The following SLC20A2 variants were observed in gnomAD, a reference collection of about 807,000 sequenced individuals.
The protein encoded by SLC20A2 is sodium-dependent phosphate transporter 2.
Under a neutral mutation model 61.0 loss-of-function variants are expected in SLC20A2, and 30 were observed. That is an observed-to-expected ratio of 0.49 (90% confidence interval 0.37 to 0.67). The LOEUF is 0.67. SLC20A2 is among the 30% of genes least tolerant of loss of function. The pLI is 0.00. For synonymous variants in SLC20A2, 351 were observed against 353.3 expected, an observed-to-expected ratio of 0.99 and a Z score of 0.07; for missense variants, 626 against 866.4, an observed-to-expected ratio of 0.72 and a Z score of 3.48.
At chr8:42,525,436 G>A (rs1256827890) in intron 1 of SLC20A2, among the ~76,000 whole-genome samples, 2 of 151,902 alleles carry the variant, frequency 1.3e-5, no homozygotes, top group Non-Finnish European at 2.9e-5. Flanking sequence ...ACAAAAATTA[G>A]CTGGGCATGG....
At chr8:42,476,830 G>A (rs932974869) in intron 1 of SLC20A2, among the ~76,000 whole-genome samples, 1 of 152,152 alleles carries the variant, frequency 6.6e-6, no homozygotes, top group Non-Finnish European at 1.5e-5. Context: ...TTTCTCCTGC[G>A]TGGAGAAGGG....
exon 1 of SLC20A2, chr8:42,541,853 C>G (rs1220356364): frequency 6.6e-6 from 1 of 151,676 alleles, no homozygotes; most frequent in African/African-American, 2.4e-5. Context: ...CCCGAAACTC[C>G]GAGCACCCGC....
intron 1 of SLC20A2, among the ~76,000 whole-genome samples, chr8:42,515,039 C>T (rs946682274): frequency 6.6e-6 from 1 of 152,228 alleles, no homozygotes; most frequent in African/African-American, 2.4e-5. Flanking sequence ...GTGTCAGGAA[C>T]CGTACTAAGC....
chr8:42,452,741 G>A (rs1257798754), intron 5 of SLC20A2, among the ~76,000 whole-genome samples: 6 of 151,944 alleles, frequency 3.9e-5, no homozygotes, highest in East Asian at 1.9e-4. Context: ...GGAGGAGGCC[G>A]CAGGAGGCCG....
At chr8:42,531,642 A>C (rs954638542) in intron 1 of SLC20A2, among the ~76,000 whole-genome samples, 13 of 152,208 alleles carry the variant, frequency 8.5e-5, no homozygotes, top group African/African-American at 3.1e-4. Flanking sequence ...TACAGGGTCC[A>C]GAGGGGTAAG....
At position 42,421,925 on chromosome 8, in the gene SLC20A2, C is replaced by G. The variant is rs28636485; in HGVS notation, c.1795-3958G>C. The stretch of plus-strand genomic sequence containing the variant: ...ATACTGAAGCTGCCTATATACCCAA[C>G]TTGAGCCCCTGCGAGGACCTTGCCC... On this transcript the variant is annotated intron_variant, in intron 10 of 10. Transcript: ENST00000520262. Among the ~76,000 whole-genome samples the G allele has an allele frequency of 9.7e-3, 1,476 of 152,034 alleles. 27 individuals are homozygous for G. The highest frequency in any genetic ancestry group is 0.034 in the African/African-American group (1,406 of 41,406).
chr8:42,484,881 C>T, intron 1 of SLC20A2: 3 of 398,654 alleles, frequency 7.5e-6, no homozygotes, highest in Admixed American at 2.7e-5. Flanking sequence ...AGCCACTGAG[C>T]ATCTCGGCCA....
Position 42,483,199 on chromosome 8 carries a change from C to T in SLC20A2, c.-264-10545G>A, listed in dbSNP as rs540874225. Among the ~76,000 whole-genome samples the T allele has an allele frequency of 1.2e-4, 19 of 152,062 alleles. No individual in the cohort carries two copies. The South Asian group carries it at 3.9e-3, about 32-fold the overall frequency. ...TGTTGTTTCCGTCTCTACTAAAATC[C>T]GTCTCTACTAAAAATACAAAAATTA... is the stretch of plus-strand genomic sequence containing the variant. On this transcript the variant is annotated intron_variant, in intron 1 of 10. Transcript: ENST00000520262.
chr8:42,536,967 C>G (rs537175628), intron 1 of SLC20A2, among the ~76,000 whole-genome samples: 1 of 151,658 alleles, frequency 6.6e-6, no homozygotes. Flanking sequence ...CACAACTATT[C>G]GGGAGGCTGA....
At chr8:42,432,126 C>A (rs1171461926) in intron 8 of SLC20A2, among the ~76,000 whole-genome samples, 1 of 152,128 alleles carries the variant, frequency 6.6e-6, no homozygotes, top group Non-Finnish European at 1.5e-5. Flanking sequence ...CTAGGGAGTC[C>A]ATTGAAACCT....
At chr8:42,514,748 ACT>A (rs1343667170) in intron 1 of SLC20A2, among the ~76,000 whole-genome samples, 2 of 148,222 alleles carry the variant, frequency 1.3e-5, no homozygotes, top group African/African-American at 5.0e-5. Flanking sequence ...ATGGAGTAAT[ACT>A]CTGTTTGAAA....
intron 1 of SLC20A2, among the ~76,000 whole-genome samples, chr8:42,525,015 T>G (rs1811830616): frequency 1.3e-5 from 2 of 152,120 alleles, no homozygotes; most frequent in African/African-American, 4.8e-5. Flanking sequence ...GAGAATGCTG[T>G]TTTGTTTTTT....
chr8:42,535,818 C>T (rs1812659739), intron 1 of SLC20A2, among the ~76,000 whole-genome samples: 1 of 152,182 alleles, frequency 6.6e-6, no homozygotes, highest in South Asian at 2.1e-4. Flanking sequence ...ACCAAATTTG[C>T]GTCTCAGGAG....
At chr8:42,442,134 TG>T (rs1313135474) in intron 6 of SLC20A2, among the ~76,000 whole-genome samples, 1 of 152,158 alleles carries the variant, frequency 6.6e-6, no homozygotes, top group African/African-American at 2.4e-5. Context: ...GGTTTCTCCA[TG>T]TTGGCCAGGC....
intron 10 of SLC20A2, among the ~76,000 whole-genome samples, chr8:42,425,357 A>G (rs964406536): frequency 6.6e-6 from 1 of 152,234 alleles, no homozygotes; most frequent in African/African-American, 2.4e-5. Context: ...TCTTCACGCC[A>G]TCCCACAGCT....
In SLC20A2 at chr8:42,437,082, T is replaced by C. The variant is rs373069060; in HGVS notation, c.1430A>G (p.Glu477Gly). 1.9e-6 allele frequency: 3 copies of C among 1,613,854 alleles called. No homozygotes were observed. The highest frequency in any genetic ancestry group is 2.7e-5 in the African/African-American group (2 of 74,932). Reference sequence around the variant, plus strand: ...GAGGTGAACCTCGGGTGCGTCCTTCTCCTCCTTCTCCTCCTCTGCAGGGTC... The same window carrying C: ...GAGGTGAACCTCGGGTGCGTCCTTCCCCTCCTTCTCCTCCTCTGCAGGGTC... The part of the protein sequence containing the change: ...REDPAEEEKE[E>G]KDAPEVHLLF... The change falls in exon 8 of 11, where the codon GAG becomes GGG. Residue 477 changes from glutamate (E) to glycine (G), a missense_variant. Physicochemically the swap from Glu to Gly is moderately conservative, Grantham distance 98. This residue lies in a region of SLC20A2 where 361 missense variants were observed against 422.3 expected (regional missense o/e 0.85). Transcript: ENST00000520262. This position sits in a 1 kb window ranked among gnomAD's most constrained non-coding sequence, Gnocchi z 6.4.
At chr8:42,533,715 A>T (rs1006560478) in intron 1 of SLC20A2, among the ~76,000 whole-genome samples, 2 of 118,946 alleles carry the variant, frequency 1.7e-5, no homozygotes, top group Non-Finnish European at 3.2e-5. Flanking sequence ...GCTGGAGTGC[A>T]GTGGCGTGAT....
chr8:42,537,370 CAAA>C (rs34392956), intron 1 of SLC20A2, among the ~76,000 whole-genome samples: 21 of 86,136 alleles, frequency 2.4e-4, no homozygotes, highest in Admixed American at 6.6e-4. Flanking sequence ...GACCCTGTCT[CAAA>C]AAAAAAAAAA....
chr8:42,525,114 A>G (rs1369232921), intron 1 of SLC20A2, among the ~76,000 whole-genome samples: 2 of 152,140 alleles, frequency 1.3e-5, no homozygotes, highest in African/African-American at 4.8e-5. Flanking sequence ...GACAAGTGTG[A>G]TCTCAAAGCA....
Sources: allele counts gnomAD v4.1 joint callset (sites outside exome capture counted in the v4.1 genomes callset), GRCh38; gene constraint gnomAD v4.1.1; regional missense constraint gnomAD v4.1.1; non-coding constraint Gnocchi (gnomAD v3.1); transcripts MANE v1.5; gene names NCBI Gene and HGNC (gene_info 2026-07-23, HGNC 2026-07-21).